Variants in STAU2 observed in about 807,000 individuals in gnomAD.
STAU2 encodes the protein staufen double-stranded RNA binding protein 2.
Under a neutral mutation model 65.9 loss-of-function variants are expected in STAU2, and 20 were observed. The ratio of observed to expected loss-of-function variants is 0.30; its 90% confidence interval spans 0.21 to 0.44. The LOEUF (loss-of-function observed/expected upper bound fraction) is 0.44. Among genes scored for constraint, STAU2 ranks in the 20% least tolerant of loss-of-function variants. The pLI is 1.00. For synonymous variants in STAU2, 232 were observed against 233.9 expected (o/e 0.99, Z 0.07); for missense variants, 558 against 683.9 (o/e 0.82, Z 2.05).
intron 13 of STAU2, among the ~76,000 whole-genome samples, chr8:73,493,144 C>A (rs1821229398): frequency 6.6e-6 from 1 of 151,748 alleles, no homozygotes; most frequent in Non-Finnish European, 1.5e-5. Context: ...TTGAGGTCTA[C>A]CTTAGACCTG....
chr8:73,486,642 AATAT>A (rs201053323), intron 13 of STAU2, among the ~76,000 whole-genome samples: 3 of 133,140 alleles, frequency 2.3e-5, no homozygotes. Context: ...TTTATAAGTA[AATAT>A]ATATATATAT....
At chr8:73,523,835 A>T (rs555363504) in intron 13 of STAU2, among the ~76,000 whole-genome samples, 6 of 152,234 alleles carry the variant, frequency 3.9e-5, no homozygotes, top group East Asian at 1.9e-4. Flanking sequence ...CCATAGCTAA[A>T]TTTTTTGCAT....
At chr8:73,581,577 T>C (rs1586053599) in intron 12 of STAU2, among the ~76,000 whole-genome samples, 1 of 152,202 alleles carries the variant, frequency 6.6e-6, no homozygotes, top group South Asian at 2.1e-4. Context: ...CAAATCATTA[T>C]AAACCAATAT....
chr8:73,704,138 T>C lies in STAU2; in HGVS notation c.114+4894A>G, dbSNP rs557394865. 3.9e-5 allele frequency among the ~76,000 whole-genome samples: 6 copies of C among 152,310 alleles called. No individual in the cohort carries two copies. The East Asian group carries it at 9.6e-4, about 24-fold the overall frequency. ...ATCCTACAGCTCAAAATCTCTGCTC[T>C]AGCCCAATACTCATCAACTGATGAA... On this transcript the variant is annotated intron_variant, in intron 4 of 14. Transcript: ENST00000524300.
At chr8:73,560,267 A>G (rs947329057) in intron 12 of STAU2, among the ~76,000 whole-genome samples, 8 of 151,974 alleles carry the variant, frequency 5.3e-5, no homozygotes, top group African/African-American at 1.9e-4. Flanking sequence ...TTTTTAGTAG[A>G]GACGGGGTTT....
At chr8:73,588,265 A>T (rs528225963) in intron 11 of STAU2, among the ~76,000 whole-genome samples, 49 of 152,348 alleles carry the variant, frequency 3.2e-4, no homozygotes, top group Non-Finnish European at 6.0e-4. Context: ...AAAAATGTTA[A>T]CAGCTTTGGC....
chr8:73,567,552 C>G (rs1563427179), intron 12 of STAU2, among the ~76,000 whole-genome samples: 1 of 150,900 alleles, frequency 6.6e-6, no homozygotes, highest in African/African-American at 2.5e-5. Flanking sequence ...TTGTCTCTCT[C>G]TCTTTTTTTT....
chr8:73,515,528 G>A (rs1822656120), intron 13 of STAU2, among the ~76,000 whole-genome samples: 1 of 152,116 alleles, frequency 6.6e-6, no homozygotes, highest in Non-Finnish European at 1.5e-5. Context: ...CCAGTGTCAA[G>A]GATCAGTTAA....
chr8:73,658,662 C>G (rs1816570913), intron 6 of STAU2, among the ~76,000 whole-genome samples: 1 of 152,116 alleles, frequency 6.6e-6, no homozygotes, highest in Admixed American at 6.5e-5. Context: ...TGCCTGTAAT[C>G]CCAGCACTTT....
At chr8:73,607,589 T>G (rs1187063875) in intron 9 of STAU2, among the ~76,000 whole-genome samples, 1 of 151,552 alleles carries the variant, frequency 6.6e-6, no homozygotes, top group Admixed American at 6.6e-5. Context: ...TACAAAAAAT[T>G]AGCCGGGCAT....
intron 1 of STAU2, among the ~76,000 whole-genome samples, chr8:73,742,011 T>C (rs1157900495): frequency 1.3e-5 from 2 of 152,238 alleles, no homozygotes; most frequent in Non-Finnish European, 2.9e-5. Flanking sequence ...CTGAAAATTA[T>C]ACTTTTTTAA....
chr8:73,584,295 A>C lies in STAU2; in HGVS notation c.1162-1465T>G, dbSNP rs1810210751. Among the ~76,000 whole-genome samples, 8 of 152,306 alleles carry C rather than the reference A, an allele frequency of 5.3e-5. No homozygotes were observed. In the South Asian group the frequency reaches 1.4e-3, roughly 28 times the overall value. ...TGAGAGATTGCTGCTATAACCTTTG[A>C]CTGCAAAATGCTAACACAGGCATCC... On this transcript the variant is annotated intron_variant, in intron 11 of 14. Coordinates refer to ENST00000524300, the MANE Select transcript of STAU2 (RefSeq NM_001164380.2).
intron 13 of STAU2, among the ~76,000 whole-genome samples, chr8:73,518,586 A>T (rs927419923): frequency 1.3e-5 from 2 of 152,152 alleles, no homozygotes; most frequent in African/African-American, 4.8e-5. Context: ...CATGTCACGA[A>T]ATACTATTTT....
intron 5 of STAU2, among the ~76,000 whole-genome samples, chr8:73,678,137 A>G (rs73689023): frequency 0.073 from 11,047 of 152,132 alleles, 441 homozygotes; most frequent in Middle Eastern, 0.14. Flanking sequence ...ATAAACTATG[A>G]CAATGGTTTT....
chr8:73,535,788 G>C (rs1426111848), intron 13 of STAU2, among the ~76,000 whole-genome samples: 4 of 152,166 alleles, frequency 2.6e-5, no homozygotes, highest in African/African-American at 9.7e-5. Context: ...AAGGAAAATT[G>C]TGGTTACACA....
intron 9 of STAU2, among the ~76,000 whole-genome samples, chr8:73,607,568 A>G (rs760951141): frequency 9.3e-5 from 14 of 150,380 alleles, no homozygotes; most frequent in African/African-American, 2.9e-4. Context: ...CATCTCTACT[A>G]AAAAAAAACA....
At chr8:73,547,742 A>T (rs551315388) in intron 13 of STAU2, among the ~76,000 whole-genome samples, 45 of 152,332 alleles carry the variant, frequency 3.0e-4, no homozygotes, top group African/African-American at 1.1e-3. Flanking sequence ...TAAGTAATTT[A>T]TTATGGTTTT....
intron 6 of STAU2, among the ~76,000 whole-genome samples, chr8:73,622,488 C>T (rs1222036033): frequency 6.6e-6 from 1 of 152,106 alleles, no homozygotes; most frequent in Non-Finnish European, 1.5e-5. Context: ...GAGATGTCCC[C>T]AAGGTCACCT....
chr8:73,487,413 T>C (rs2128913729), intron 13 of STAU2, among the ~76,000 whole-genome samples: 1 of 152,204 alleles, frequency 6.6e-6, no homozygotes, highest in East Asian at 1.9e-4. Flanking sequence ...AAGAGGTGAC[T>C]TGTGAATTTT....
Sources: allele counts gnomAD v4.1 joint callset (sites outside exome capture counted in the v4.1 genomes callset), GRCh38; gene constraint gnomAD v4.1.1; transcripts MANE v1.5; gene names NCBI Gene and HGNC (gene_info 2026-07-23, HGNC 2026-07-21).